ST18: variants seen among roughly 807,000 people sequenced by gnomAD.
The protein encoded by ST18 is ST18 C2H2C-type zinc finger transcription factor.
In ST18, 50 loss-of-function variants were observed where a neutral mutation model predicts 110.0. The ratio of observed to expected loss-of-function variants is 0.45; its 90% CI spans 0.36 to 0.58. The LOEUF (loss-of-function observed/expected upper bound fraction) is 0.58, where lower values mean the gene tolerates loss of function less well. Among genes scored for constraint, ST18 ranks in the 20% least tolerant of loss-of-function variants. The pLI is 0.00. For synonymous variants in ST18, 461 were observed against 452.4 expected, an observed-to-expected ratio of 1.02 and a Z score of -0.24; for missense variants, 1,306 against 1,280.1, an observed-to-expected ratio of 1.02 and a Z score of -0.31.
chr8:52,348,705 T>C (rs1818867991), intron 2 of ST18, among the ~76,000 whole-genome samples: 1 of 152,108 alleles, frequency 6.6e-6, no homozygotes, highest in African/African-American at 2.4e-5. Context: ...GATCGTGCCA[T>C]TGCACTTCAG....
intron 2 of ST18, among the ~76,000 whole-genome samples, chr8:52,277,416 A>G (rs760528773): frequency 2.0e-5 from 3 of 152,160 alleles, no homozygotes; most frequent in Admixed American, 6.5e-5. Context: ...ATACCCCCCA[A>G]TAGCAGAATG....
intron 15 of ST18, among the ~76,000 whole-genome samples, chr8:52,150,526 A>T (rs1450470778): frequency 2.0e-5 from 3 of 152,158 alleles, no homozygotes; most frequent in Non-Finnish European, 2.9e-5. Context: ...TAAAAGCAAC[A>T]TTTTACCCTA....
intron 2 of ST18, among the ~76,000 whole-genome samples, chr8:52,283,089 G>A (rs575030225): frequency 1.4e-3 from 209 of 152,302 alleles, no homozygotes; most frequent in Admixed American, 8.8e-3. Flanking sequence ...GGAAGTGTTC[G>A]CATTCTGGAT....
intron 23 of ST18, among the ~76,000 whole-genome samples, chr8:52,118,688 T>C (rs953714433): frequency 5.9e-5 from 9 of 152,156 alleles, no homozygotes; most frequent in African/African-American, 2.2e-4. Context: ...CCAGGGGTGC[T>C]GCCAGACCCA....
chr8:52,361,100 T>C (rs1825541666), intron 2 of ST18, among the ~76,000 whole-genome samples: 2 of 152,264 alleles, frequency 1.3e-5, no homozygotes, highest in South Asian at 2.1e-4. Flanking sequence ...TATCAGGTCC[T>C]GGTCTCAAAA....
intron 2 of ST18, among the ~76,000 whole-genome samples, chr8:52,378,895 A>T (rs1378793505): frequency 1.3e-5 from 2 of 152,184 alleles, no homozygotes; most frequent in African/African-American, 4.8e-5. Flanking sequence ...CAAGCAAAAT[A>T]GACCTATGTG....
At chr8:52,209,776 A>ATATATATATATAT (rs1196733238) in intron 8 of ST18, among the ~76,000 whole-genome samples, 2 of 131,104 alleles carry the variant, frequency 1.5e-5, no homozygotes, top group Non-Finnish European at 3.2e-5. Flanking sequence ...ATCTCAAAAA[A>ATATATATATATAT]AAAAAAAAAA....
At chr8:52,373,455 C>T (rs2140665454) in intron 2 of ST18, among the ~76,000 whole-genome samples, 2 of 152,200 alleles carry the variant, frequency 1.3e-5, no homozygotes, top group Admixed American at 1.3e-4. Flanking sequence ...ATGCTTCCCA[C>T]CCCTGGCCTC....
chr8:52,184,138 G>T (rs1279601330), intron 8 of ST18, among the ~76,000 whole-genome samples: 1 of 152,172 alleles, frequency 6.6e-6, no homozygotes, highest in Non-Finnish European at 1.5e-5. Flanking sequence ...TCTCAAGGTT[G>T]CCAGAAATCA....
At chr8:52,359,576 A>G (rs1163640526) in intron 2 of ST18, among the ~76,000 whole-genome samples, 1 of 152,136 alleles carries the variant, frequency 6.6e-6, no homozygotes, top group Non-Finnish European at 1.5e-5. Context: ...GAACTTTCCA[A>G]TGAAACAGGT....
intron 2 of ST18, among the ~76,000 whole-genome samples, chr8:52,329,586 C>G (rs1234728876): frequency 6.6e-6 from 1 of 152,078 alleles, no homozygotes; most frequent in African/African-American, 2.4e-5. Flanking sequence ...AAAACCCAGT[C>G]TCTACTAAAA....
intron 2 of ST18, among the ~76,000 whole-genome samples, chr8:52,270,461 C>A (rs6473702): frequency 0.056 from 8,576 of 152,142 alleles, 815 homozygotes; most frequent in African/African-American, 0.2. Flanking sequence ...CTTCCCTCTT[C>A]GCAAATTTTA....
In ST18 at chr8:52,202,599, A is replaced by G. The variant is rs530739532; in HGVS notation, c.86+9480T>C. Among the ~76,000 whole-genome samples the G allele has an allele frequency of 9.8e-5, 15 of 152,302 alleles. 2 individuals carry two copies. The South Asian group carries it at 3.1e-3, about 32-fold the overall frequency. On this transcript the variant is annotated intron_variant, in intron 8 of 25. Coordinates refer to ENST00000689386, the MANE Select transcript of ST18 (RefSeq NM_001352837.2). ...AGACAAGTAAAGAAGTGCTTGGGGA[A>G]CACAATGGGAAAAAATCTTAGTCTG...
chr8:52,367,135 G>C (rs1475467551), intron 2 of ST18, among the ~76,000 whole-genome samples: 1 of 152,058 alleles, frequency 6.6e-6, no homozygotes, highest in African/African-American at 2.4e-5. Context: ...GGGAGGCTGA[G>C]GCACCAGAAT....
At chr8:52,144,696 G>A (rs1212485071) in intron 16 of ST18, among the ~76,000 whole-genome samples, 1 of 152,010 alleles carries the variant, frequency 6.6e-6, no homozygotes, top group East Asian at 1.9e-4. Context: ...AACAGAAGCC[G>A]ATAAAAAGAC....
intron 3 of ST18, chr8:52,222,211 CCT>C (rs1364146781): frequency 6.6e-6 from 1 of 152,158 alleles, no homozygotes; most frequent in Non-Finnish European, 1.5e-5. Flanking sequence ...AGCTGTAAAG[CCT>C]CTGAGTTCCC....
intron 8 of ST18, among the ~76,000 whole-genome samples, chr8:52,182,899 T>C (rs2070407111): frequency 6.6e-6 from 1 of 152,116 alleles, no homozygotes; most frequent in Non-Finnish European, 1.5e-5. Flanking sequence ...AAAAAATTGG[T>C]CATTAAAAAA....
chr8:52,147,588 G>T (rs1175222551), intron 16 of ST18, among the ~76,000 whole-genome samples: 1 of 152,072 alleles, frequency 6.6e-6, no homozygotes, highest in Non-Finnish European at 1.5e-5. Context: ...TCATAAGGAT[G>T]AGTGCAGAAA....
intron 2 of ST18, chr8:52,405,543 A>G (rs1382791449): frequency 6.6e-6 from 1 of 152,214 alleles, no homozygotes; most frequent in African/African-American, 2.4e-5. Context: ...ATTGATTACT[A>G]TTGTTTCACA....
Sources: allele counts gnomAD v4.1 joint callset (sites outside exome capture counted in the v4.1 genomes callset), GRCh38; gene constraint gnomAD v4.1.1; transcripts MANE v1.5; gene names NCBI Gene and HGNC (gene_info 2026-07-23, HGNC 2026-07-21).